The following MAML3 variants were observed in gnomAD, a reference collection of about 807,000 sequenced individuals.
The protein encoded by MAML3 is mastermind like transcriptional coactivator 3, also known as mastermind-like protein 3.
A neutral mutation model predicts 101.9 loss-of-function variants in MAML3; 27 were observed. That is an observed-to-expected ratio of 0.27 (90% CI 0.20 to 0.37). MAML3 has a LOEUF of 0.37. Ranked by LOEUF, MAML3 falls within the 10% of genes least tolerant of loss-of-function variation. The pLI, the probability that MAML3 is intolerant of heterozygous loss-of-function variation, is 1.00. For missense variants in MAML3, 1,316 were observed against 1,444.9 expected, an observed-to-expected ratio of 0.91 and a Z score of 1.45; for synonymous variants, 501 against 555.9, an observed-to-expected ratio of 0.90 and a Z score of 1.39.
At chr4:140,122,709 G>A (rs911022021) in intron 1 of MAML3, among the ~76,000 whole-genome samples, 1 of 150,554 alleles carries the variant, frequency 6.6e-6, no homozygotes, top group East Asian at 2.0e-4. Flanking sequence ...GGAGAATGGC[G>A]TGAACCCGGG....
At chr4:140,133,606 G>A (rs955360486) in intron 1 of MAML3, among the ~76,000 whole-genome samples, 1 of 151,746 alleles carries the variant, frequency 6.6e-6, no homozygotes, top group African/African-American at 2.4e-5. Flanking sequence ...TTTTTTAATT[G>A]AACTGTCCCC....
chr4:140,084,963 C>T (rs890581679), intron 1 of MAML3, among the ~76,000 whole-genome samples: 8 of 151,956 alleles, frequency 5.3e-5, no homozygotes, highest in African/African-American at 1.9e-4. Context: ...ATAGCTATAA[C>T]GGTTTACATT....
At chr4:140,017,198 G>T (rs1726655577) in intron 1 of MAML3, among the ~76,000 whole-genome samples, 1 of 152,178 alleles carries the variant, frequency 6.6e-6, no homozygotes, top group African/African-American at 2.4e-5. Context: ...CACACAAAAA[G>T]ATGTTCAACA....
intron 2 of MAML3, among the ~76,000 whole-genome samples, chr4:139,754,191 T>G (rs1729593268): frequency 6.6e-6 from 1 of 152,166 alleles, no homozygotes; most frequent in Non-Finnish European, 1.5e-5. Flanking sequence ...AAAACAAAGG[T>G]GTATTAGGGA....
chr4:139,813,061 A>G (rs1730832424), intron 2 of MAML3, among the ~76,000 whole-genome samples: 1 of 151,548 alleles, frequency 6.6e-6, no homozygotes, highest in Non-Finnish European at 1.5e-5. Flanking sequence ...AAACTCTTAT[A>G]AATTAGAAAT....
intron 1 of MAML3, among the ~76,000 whole-genome samples, chr4:139,948,297 T>A (rs574252118): frequency 3.3e-5 from 5 of 152,328 alleles, no homozygotes; most frequent in South Asian, 2.1e-4. Context: ...CATTTCACTG[T>A]TAAGAACAGT....
intron 2 of MAML3, among the ~76,000 whole-genome samples, chr4:139,816,862 G>C (rs1213807505): frequency 6.6e-6 from 1 of 152,106 alleles, no homozygotes; most frequent in Non-Finnish European, 1.5e-5. Flanking sequence ...ACAGGTTAAA[G>C]ATACATAGCC....
At chr4:139,961,780 A>G (rs1187388749) in intron 1 of MAML3, among the ~76,000 whole-genome samples, 1 of 152,184 alleles carries the variant, frequency 6.6e-6, no homozygotes, top group Non-Finnish European at 1.5e-5. Flanking sequence ...GAGTCTCCAA[A>G]TAAAGTATAA....
At chr4:140,016,775 C>G (rs1463887487) in intron 1 of MAML3, among the ~76,000 whole-genome samples, 1 of 152,202 alleles carries the variant, frequency 6.6e-6, no homozygotes, top group Non-Finnish European at 1.5e-5. Flanking sequence ...AAATACCCAC[C>G]TTTACCTAAA....
intron 1 of MAML3, among the ~76,000 whole-genome samples, chr4:140,026,996 A>G (rs1234353492): frequency 3.3e-5 from 5 of 152,164 alleles, no homozygotes; most frequent in Admixed American, 6.5e-5. Context: ...GATCATAATT[A>G]AAAACTAAAT....
intron 2 of MAML3, among the ~76,000 whole-genome samples, chr4:139,755,105 G>A (rs1044823215): frequency 3.3e-5 from 5 of 152,226 alleles, no homozygotes; most frequent in East Asian, 1.9e-4. Flanking sequence ...GAAAAGGCAC[G>A]TCTTTATTCC....
intron 1 of MAML3, among the ~76,000 whole-genome samples, chr4:139,941,815 A>G (rs1733604922): frequency 6.6e-6 from 1 of 152,088 alleles, no homozygotes; most frequent in Non-Finnish European, 1.5e-5. Context: ...GAATTACACA[A>G]TCTTCTCTTA....
At chr4:140,030,965 A>C (rs1240101249) in intron 1 of MAML3, among the ~76,000 whole-genome samples, 1 of 152,266 alleles carries the variant, frequency 6.6e-6, no homozygotes, top group Non-Finnish European at 1.5e-5. Flanking sequence ...CGTCTGAAAA[A>C]CCTGGGCTCC....
At chr4:140,057,059 A>G (rs923976930) in intron 1 of MAML3, among the ~76,000 whole-genome samples, 10 of 152,168 alleles carry the variant, frequency 6.6e-5, no homozygotes, top group Non-Finnish European at 7.3e-5. Context: ...CAAAGTCAGG[A>G]TTTAAGCCAA....
rs1246412361 is a variant in MAML3 at position 139,904,467 on chromosome 4, G to A, written c.469-13500C>T. On this transcript the variant is annotated intron_variant, in intron 1 of 4. Transcript: ENST00000509479. ...CAATCTCTTTCCTTCAGAATGGAGA[G>A]GAAAGAAATGCAGATGGGCAAAGAC... Among the ~76,000 whole-genome samples, 5 of 152,242 alleles carry A rather than the reference G, an allele frequency of 3.3e-5. No individual in the cohort carries two copies. In the East Asian group the frequency reaches 9.6e-4, roughly 29 times the overall value.
intron 2 of MAML3, among the ~76,000 whole-genome samples, chr4:139,832,124 A>C (rs1428862574): frequency 2.9e-5 from 1 of 34,038 alleles, no homozygotes; most frequent in Non-Finnish European, 6.1e-5. Context: ...TTTTTTTTTG[A>C]GACAGAGTCT....
chr4:139,718,904 T>A lies in MAML3; in HGVS notation c.*419A>T, dbSNP rs1319793360. On this transcript the variant is annotated 3_prime_UTR_variant, in exon 5 of 5. Transcript: ENST00000509479. ...CACTCTCCCTGGCTGAGGCTCTGTC[T>A]CTTTTGTGTCTCCAAAGCTGCTGTC... 2 of 172,314 alleles carry A rather than the reference T, an allele frequency of 1.2e-5. No individual in the cohort carries two copies. Among genetic ancestry groups the A allele is most frequent in the African/African-American group, 4.8e-5 (2 of 41,908 alleles). The allele number at this position is 172,314 out of a possible 1,614,324, so 10.7% of individuals were successfully genotyped here. A position where few individuals can be genotyped will look rare whatever the true frequency, so the allele number is the denominator to read the frequency against.
intron 2 of MAML3, among the ~76,000 whole-genome samples, chr4:139,778,802 G>A (rs546207132): frequency 1.1e-3 from 170 of 152,128 alleles, no homozygotes; most frequent in African/African-American, 3.9e-3. Context: ...GGCCAACATG[G>A]TGAAACCCCG....
chr4:140,004,812 C>T (rs1467887492), intron 1 of MAML3, among the ~76,000 whole-genome samples: 1 of 152,086 alleles, frequency 6.6e-6, no homozygotes, highest in Non-Finnish European at 1.5e-5. Flanking sequence ...ATGGTCATTT[C>T]CTAGCCGAAA....
Sources: allele counts gnomAD v4.1 joint callset (sites outside exome capture counted in the v4.1 genomes callset), GRCh38; gene constraint gnomAD v4.1.1; transcripts MANE v1.5; gene names NCBI Gene and HGNC (gene_info 2026-07-23, HGNC 2026-07-21).